Variants in IFT140 observed in about 807,000 individuals in gnomAD.
The protein encoded by IFT140 is intraflagellar transport 140, also known as intraflagellar transport protein 140 homolog.
IFT140 carries 133 observed loss-of-function variants against 164.6 expected under a neutral mutation model. The observed-to-expected ratio is 0.81, with a 90% CI of 0.70 to 0.93. IFT140 has a LOEUF of 0.93. Among genes scored for constraint, IFT140 ranks in the 40% least tolerant of loss-of-function variants. The pLI, the probability that IFT140 is intolerant of heterozygous loss-of-function variation, is 0.00. For missense variants in IFT140, 2,045 were observed against 1,972.3 expected (o/e 1.04, Z -0.70); for synonymous variants, 860 against 817.3 (o/e 1.05, Z -0.89).
intron 19 of IFT140, chr16:1,542,098 G>A: frequency 6.4e-7 from 1 of 1,570,490 alleles, no homozygotes; most frequent in Non-Finnish European, 8.6e-7. Flanking sequence ...GGCGGGTGTG[G>A]CCACCGCGCC....
intron 26 of IFT140, 120 bp from the exon 27 acceptor site, chr16:1,520,928 G>T: frequency 1.2e-6 from 1 of 852,834 alleles, no homozygotes; most frequent in Non-Finnish European, 1.8e-6. Flanking sequence ...CTTCTGTCTA[G>T]CTGGGGTGGG....
At chr16:1,546,367 G>A (rs1366453288) in intron 19 of IFT140, among the ~76,000 whole-genome samples, 1 of 152,168 alleles carries the variant, frequency 6.6e-6, no homozygotes, top group East Asian at 1.9e-4. Context: ...GGTTCTGCAG[G>A]AGCCCAGAGC....
At chr16:1,517,266 C>T (rs561006424) in intron 30 of IFT140, among the ~76,000 whole-genome samples, 287 of 150,920 alleles carry the variant, frequency 1.9e-3, no homozygotes, top group Middle Eastern at 0.01. Context: ...AGGAGAATGG[C>T]GTGAACCCAG....
At chr16:1,598,437 GAC>G (rs1272303888) in intron 4 of IFT140, among the ~76,000 whole-genome samples, 1 of 151,976 alleles carries the variant, frequency 6.6e-6, no homozygotes, top group Non-Finnish European at 1.5e-5. Context: ...CAGCCTGAGC[GAC>G]AGAGTGAGAC....
intron 22 of IFT140, 131 bp from the exon 23 acceptor site, chr16:1,525,047 G>C (rs1034653559): frequency 7.3e-7 from 1 of 1,369,704 alleles, no homozygotes; most frequent in African/African-American, 1.4e-5. Context: ...CCAAGAGTGA[G>C]GACCCCTGGC....
Position 1,553,663 on chromosome 16 carries a change from C to A in IFT140, c.2399+4272G>T. On this transcript the variant is annotated intron_variant, in intron 19 of 30. Transcript: ENST00000426508. The surrounding 1 kb of genome is among the most constrained non-coding windows in gnomAD (Gnocchi z 4.4). ...CAGAGAGGGAGGGGTGCTGGGTGGG[C>A]AGAAGCGGGGCTGGGGCTGAAGGCT... is the stretch of plus-strand genomic sequence containing the variant. The A allele has an allele frequency of 9.4e-7, 1 of 1,065,644 alleles. No homozygotes were observed. Among genetic ancestry groups the A allele is most frequent in the Non-Finnish European group, 1.1e-6 (1 of 874,562 alleles). 66.0% of individuals were successfully genotyped at this position (1,065,644 alleles called of 1,614,324 possible). A position where few individuals can be genotyped will look rare whatever the true frequency, so the allele number is the denominator to read the frequency against.
At chr16:1,579,535 T>C (rs963305522) in intron 13 of IFT140, 2 of 152,016 alleles carry the variant, frequency 1.3e-5, no homozygotes, top group African/African-American at 4.8e-5. Flanking sequence ...AGAGAAAAAA[T>C]GTCTGTGTCG....
At chr16:1,526,124 C>A in intron 20 of IFT140, 47 bp from the exon 21 acceptor site, 1 of 1,509,820 alleles carries the variant, frequency 6.6e-7, no homozygotes. Context: ...CACACACCCA[C>A]GTCTCAAACA....
chr16:1,570,547 A>G (rs910674688), intron 14 of IFT140, among the ~76,000 whole-genome samples: 2 of 151,564 alleles, frequency 1.3e-5, no homozygotes, highest in Admixed American at 6.6e-5. Flanking sequence ...GCTCATCCCA[A>G]CCCCTGTGGG....
intron 15 of IFT140, among the ~76,000 whole-genome samples, chr16:1,567,736 C>T (rs2033796841): frequency 1.3e-5 from 2 of 152,352 alleles, no homozygotes; most frequent in Middle Eastern, 3.4e-3. Context: ...CGGCTCCAAA[C>T]AGCGCTGCCA....
chr16:1,576,286 TAA>T (rs35262072), intron 13 of IFT140, among the ~76,000 whole-genome samples: 79 of 115,252 alleles, frequency 6.9e-4, no homozygotes, highest in Non-Finnish European at 4.9e-4. Context: ...ACTCTGTCTT[TAA>T]AAAAAAAAAA....
intron 13 of IFT140, among the ~76,000 whole-genome samples, chr16:1,573,232 G>A (rs1215219457): frequency 6.6e-6 from 1 of 152,126 alleles, no homozygotes; most frequent in Non-Finnish European, 1.5e-5. Context: ...CTTGAACACA[G>A]GATAAAAAGA....
chr16:1,588,870 C>CT (rs2035033734), intron 7 of IFT140, among the ~76,000 whole-genome samples: 1 of 152,070 alleles, frequency 6.6e-6, no homozygotes, highest in Non-Finnish European at 1.5e-5. Flanking sequence ...GAGCCCTGGC[C>CT]TGGCAGGGCT....
At chr16:1,513,749 C>T (rs983895433) in intron 30 of IFT140, among the ~76,000 whole-genome samples, 3 of 150,772 alleles carry the variant, frequency 2.0e-5, no homozygotes, top group African/African-American at 7.3e-5. Context: ...TCTCTGCTCA[C>T]TGCAAGCTCC....
At chr16:1,538,511 C>T (rs927192182) in intron 19 of IFT140, among the ~76,000 whole-genome samples, 5 of 152,188 alleles carry the variant, frequency 3.3e-5, no homozygotes, top group Non-Finnish European at 5.9e-5. Flanking sequence ...CATCCCTCCT[C>T]CCCCTTCATT....
rs763963956 is a variant in IFT140, at chr16:1,583,399, A to G, written c.1360-13T>C. 1.2e-6 allele frequency: 2 copies of G among 1,613,462 alleles called. No homozygotes were observed. The highest frequency in any genetic ancestry group is 2.7e-5 in the African/African-American group (2 of 74,914). On this transcript the variant is annotated splice_polypyrimidine_tract_variant and intron_variant, in intron 11 of 30. Coordinates refer to ENST00000426508, the MANE Select transcript of IFT140 (RefSeq NM_014714.4). Reference sequence around the variant, plus strand: ...CTGCGACAGCATCCTGAAAAGAACCACGGACATTCGAGGCAAAGGGCGGGA... The same window carrying G: ...CTGCGACAGCATCCTGAAAAGAACCGCGGACATTCGAGGCAAAGGGCGGGA...
In IFT140 at chr16:1,602,468, G is replaced by A. The variant is rs554090304; in HGVS notation, c.271C>T (p.Gln91Ter). 6.2e-7 allele frequency: 1 copy of A among 1,614,192 alleles called. No homozygotes were observed. Among genetic ancestry groups the A allele is most frequent in the African/African-American group, 1.3e-5 (1 of 75,046 alleles). ...ETGEVTVFNK[Q>*]DKEQHTMPLT... ...GGCATCGTGTGCTGCTCCTTGTCCT[G>A]CTTGTTAAACACCGTCACTTCTCCA... The change falls in exon 4 of 31, where the codon CAG becomes TAG. Residue 91 changes from glutamine (Q) to a stop codon, truncating the protein, a stop_gained. Transcript: ENST00000426508. LOFTEE classifies it high-confidence loss of function.
intron 16 of IFT140, among the ~76,000 whole-genome samples, chr16:1,565,830 C>G (rs113766713): frequency 1.5e-3 from 235 of 152,334 alleles, no homozygotes; most frequent in African/African-American, 5.2e-3. Flanking sequence ...GCAAATGCCC[C>G]CCTACATGAG....
intron 7 of IFT140, 129 bp downstream of exon 7, chr16:1,589,476 A>T: frequency 1.2e-6 from 1 of 834,196 alleles, no homozygotes; most frequent in Non-Finnish European, 1.9e-6. Context: ...TAGCTACGTT[A>T]GCCGCCCTAA....
Sources: gnomAD v4.1 joint callset for allele counts (sites outside exome capture counted in the v4.1 genomes callset) on GRCh38, gnomAD v4.1.1 for gene constraint, Gnocchi (gnomAD v3.1) non-coding constraint, MANE v1.5 for transcripts, NCBI Gene and HGNC (gene_info 2026-07-23, HGNC 2026-07-21) for gene names.